ABLIM1: variants seen among roughly 807,000 people sequenced by gnomAD.
The protein encoded by ABLIM1 is actin-binding LIM protein 1.
A neutral mutation model predicts 107.0 loss-of-function variants in ABLIM1; 40 were observed. The observed-to-expected ratio is 0.37, with a 90% CI of 0.29 to 0.49. ABLIM1 has a LOEUF of 0.49. ABLIM1 is among the 20% of genes least tolerant of loss of function. The pLI is 0.97. For missense variants in ABLIM1, 857 were observed against 1,008.5 expected (o/e 0.85, Z 2.04); for synonymous variants, 357 against 357.3 (o/e 1.00, Z 0.01).
chr10:114,592,997 G>A (rs1399355993), intron 2 of ABLIM1, among the ~76,000 whole-genome samples: 1 of 152,158 alleles, frequency 6.6e-6, no homozygotes, highest in Non-Finnish European at 1.5e-5. Context: ...GGGAACAGAT[G>A]GTGTTTAAAC....
At chr10:114,691,123 A>G (rs1199971338) in intron 1 of ABLIM1, among the ~76,000 whole-genome samples, 1 of 152,186 alleles carries the variant, frequency 6.6e-6, no homozygotes, top group Non-Finnish European at 1.5e-5. Context: ...AAGCCTAAAG[A>G]CAGTAATTTT....
chr10:114,669,737 C>T (rs1388965253), intron 1 of ABLIM1, among the ~76,000 whole-genome samples: 1 of 152,108 alleles, frequency 6.6e-6, no homozygotes, highest in Non-Finnish European at 1.5e-5. Context: ...TAGCCTGCCT[C>T]AGGATGAAGT....
chr10:114,533,704 T>TC (rs2065686665), intron 6 of ABLIM1, among the ~76,000 whole-genome samples: 1 of 152,084 alleles, frequency 6.6e-6, no homozygotes, highest in African/African-American at 2.4e-5. Context: ...TCTTGCTCTG[T>TC]CCCCCAGGCT....
intron 1 of ABLIM1, among the ~76,000 whole-genome samples, chr10:114,715,940 A>ACAG (rs2081650501): frequency 2.0e-5 from 3 of 152,200 alleles, no homozygotes; most frequent in Non-Finnish European, 4.4e-5. Context: ...TGCCCTAGAC[A>ACAG]TTTGTCCTAA....
chr10:114,527,360 C>A (rs537889926), intron 6 of ABLIM1, among the ~76,000 whole-genome samples: 1 of 152,286 alleles, frequency 6.6e-6, no homozygotes, highest in East Asian at 1.9e-4. Flanking sequence ...GATTGGAAAA[C>A]CTCTTATCAA....
chr10:114,555,246 TAA>T (rs1272295314), intron 4 of ABLIM1, among the ~76,000 whole-genome samples: 1 of 152,170 alleles, frequency 6.6e-6, no homozygotes, highest in Non-Finnish European at 1.5e-5. Context: ...GGGCTCCCAC[TAA>T]CCTGGGAGAA....
chr10:114,718,007 G>GAAGC (rs1414638614), intron 1 of ABLIM1, among the ~76,000 whole-genome samples: 1 of 133,380 alleles, frequency 7.5e-6, no homozygotes, highest in African/African-American at 2.9e-5. Flanking sequence ...AGGAAGGAAG[G>GAAGC]AAGGAAGGAA....
At chr10:114,572,090 G>C (rs2071764617) in intron 3 of ABLIM1, among the ~76,000 whole-genome samples, 2 of 152,226 alleles carry the variant, frequency 1.3e-5, no homozygotes, top group African/African-American at 4.8e-5. Flanking sequence ...TCTGCATGTA[G>C]ATAATCAGTT....
At chr10:114,444,307 G>A (rs1275799130) in intron 16 of ABLIM1, among the ~76,000 whole-genome samples, 173 bp from the exon 17 acceptor site, 3 of 152,104 alleles carry the variant, frequency 2.0e-5, no homozygotes, top group African/African-American at 7.2e-5. Flanking sequence ...TCAAGTTTGG[G>A]ACCCTAAACC....
intron 6 of ABLIM1, among the ~76,000 whole-genome samples, chr10:114,536,522 A>G (rs1565864672): frequency 1.3e-5 from 2 of 152,066 alleles, no homozygotes; most frequent in African/African-American, 4.8e-5. Context: ...TGCTGGGATT[A>G]CAGGCGTGAG....
chr10:114,768,519 C>A (rs1161877408), upstream of ABLIM1, among the ~76,000 whole-genome samples: 7 of 152,114 alleles, frequency 4.6e-5, no homozygotes, highest in Admixed American at 2.6e-4. Flanking sequence ...AAGAAAGGGC[C>A]GTTCGTTCCT....
intron 1 of ABLIM1, among the ~76,000 whole-genome samples, chr10:114,649,743 C>A (rs369675848): frequency 1.3e-5 from 2 of 152,140 alleles, no homozygotes; most frequent in African/African-American, 2.4e-5. Context: ...ACGTATTCAC[C>A]TTATATTACC....
intron 4 of ABLIM1, among the ~76,000 whole-genome samples, chr10:114,563,705 T>C (rs1338696446): frequency 6.6e-6 from 1 of 150,602 alleles, no homozygotes; most frequent in African/African-American, 2.4e-5. Flanking sequence ...AATTAGCCAG[T>C]CGTGGTGACA....
At chr10:114,796,293 G>A in the ABLIM1 span, among the ~76,000 whole-genome samples, 1 of 152,278 alleles carries the variant, frequency 6.6e-6, no homozygotes, top group Non-Finnish European at 1.5e-5. Flanking sequence ...AAGAGGTTGC[G>A]ATAAAGATGT....
intron 1 of ABLIM1, among the ~76,000 whole-genome samples, chr10:114,671,037 T>C (rs2080232789): frequency 6.6e-6 from 1 of 152,200 alleles, no homozygotes; most frequent in Non-Finnish European, 1.5e-5. Context: ...CAGATCAAGA[T>C]CTAGAACATA....
At chr10:114,524,725 T>C (rs894424791) in intron 6 of ABLIM1, among the ~76,000 whole-genome samples, 3 of 152,160 alleles carry the variant, frequency 2.0e-5, no homozygotes, top group African/African-American at 4.8e-5. Flanking sequence ...TAGAATTCAA[T>C]TGAAAGAAGT....
intron 1 of ABLIM1, among the ~76,000 whole-genome samples, chr10:114,695,497 C>T (rs1388270116): frequency 6.6e-6 from 1 of 152,080 alleles, no homozygotes; most frequent in Non-Finnish European, 1.5e-5. Flanking sequence ...TCTCTTTCTA[C>T]AAATTCAAAC....
At chr10:114,529,988 T>C (rs1444662496) in intron 6 of ABLIM1, among the ~76,000 whole-genome samples, 1 of 152,106 alleles carries the variant, frequency 6.6e-6, no homozygotes, top group Non-Finnish European at 1.5e-5. Flanking sequence ...GATCGTGCCA[T>C]TGCACTCCAT....
intron 1 of ABLIM1, among the ~76,000 whole-genome samples, chr10:114,665,357 G>C (rs891156351): frequency 2.3e-4 from 35 of 152,166 alleles, no homozygotes; most frequent in African/African-American, 8.2e-4. Flanking sequence ...TGAAGATACT[G>C]GTGTTCCATC....
Sources: allele counts gnomAD v4.1 joint callset (sites outside exome capture counted in the v4.1 genomes callset), GRCh38; gene constraint gnomAD v4.1.1; transcripts MANE v1.5; gene names NCBI Gene and HGNC (gene_info 2026-07-23, HGNC 2026-07-21).